The following PDE6D variants were observed in gnomAD, a reference collection of about 807,000 sequenced individuals.
PDE6D encodes phosphodiesterase 6D.
In PDE6D, 10 loss-of-function variants were observed where a neutral mutation model predicts 21.9. The observed-to-expected ratio is 0.46, with a 90% confidence interval of 0.28 to 0.78. PDE6D has a LOEUF of 0.78. PDE6D is among the 30% of genes least tolerant of loss of function. The probability of loss-of-function intolerance (pLI) is 0.12; values close to 1 mark genes in which losing one functional copy is unlikely to be tolerated. For missense variants in PDE6D, 139 were observed against 184.8 expected (o/e 0.75, Z 1.44); for synonymous variants, 59 against 63.5 (o/e 0.93, Z 0.34).
intron 1 of PDE6D, chr2:231,779,111 A>T (rs893522017): frequency 2.0e-5 from 3 of 152,246 alleles, no homozygotes; most frequent in Non-Finnish European, 2.9e-5. Flanking sequence ...AATGCCCAGT[A>T]AAGGCTACCA....
chr2:231,767,309 A>G (rs1395319483), intron 1 of PDE6D, among the ~76,000 whole-genome samples: 1 of 152,028 alleles, frequency 6.6e-6, no homozygotes, highest in Non-Finnish European at 1.5e-5. Flanking sequence ...TCCATCAAAC[A>G]GCATGCATTA....
chr2:231,770,923 A>G (rs1276476945), intron 1 of PDE6D, among the ~76,000 whole-genome samples: 1 of 151,072 alleles, frequency 6.6e-6, no homozygotes, highest in East Asian at 1.9e-4. Flanking sequence ...ATTGCACTCC[A>G]GCCTGGGTGA....
rs1279471402 is a variant in PDE6D, at chr2:231,772,154, A to G, written c.50+8911T>C. ...ACAGTTGTTTTTTTTTTTTAACTTT[A>G]GAAGAGAATACTCATATCTCTTGTC... On this transcript the variant is annotated intron_variant, in intron 1 of 4. Coordinates refer to ENST00000287600, the MANE Select transcript of PDE6D (RefSeq NM_002601.4). Among the ~76,000 whole-genome samples, 3 of 151,728 alleles carry G rather than the reference A, an allele frequency of 2.0e-5. No homozygotes were observed. The East Asian group carries it at 5.8e-4, about 29-fold the overall frequency.
chr2:231,749,210 G>A (rs1328489070), intron 1 of PDE6D, among the ~76,000 whole-genome samples: 1 of 152,184 alleles, frequency 6.6e-6, no homozygotes, highest in South Asian at 2.1e-4. Flanking sequence ...CCACAGAGGC[G>A]GAGCTGCCCA....
At chr2:231,759,967 A>G (rs76066587) in intron 1 of PDE6D, among the ~76,000 whole-genome samples, 1,769 of 152,304 alleles carry the variant, frequency 0.012, 40 homozygotes, top group African/African-American at 0.04. Flanking sequence ...AATGTTTAGT[A>G]TTTTTTAGAA....
chr2:231,740,767 T>C (rs567123617), intron 1 of PDE6D, among the ~76,000 whole-genome samples: 4 of 145,530 alleles, frequency 2.7e-5, no homozygotes, highest in African/African-American at 7.6e-5. Flanking sequence ...GTCTAACTAA[T>C]AGAAGTTCTA....
chr2:231,734,277 A>G (rs1248286089), intron 4 of PDE6D, among the ~76,000 whole-genome samples: 2 of 152,088 alleles, frequency 1.3e-5, no homozygotes, highest in Non-Finnish European at 2.9e-5. Flanking sequence ...CTTATAATGA[A>G]TCAACTTATG....
Position 231,732,896 on chromosome 2 carries a change from A to G in PDE6D, c.*56T>C, listed in dbSNP as rs1171092045. On this transcript the variant is annotated 3_prime_UTR_variant, in exon 5 of 5. Coordinates refer to ENST00000287600, the MANE Select transcript of PDE6D (RefSeq NM_002601.4). ...AAACGTGTGGAGGAAAAAAGTAAAC[A>G]GTTTCCTCCTCCCTCCAAAAAACCC... 3 of 1,119,744 alleles carry G rather than the reference A, an allele frequency of 2.7e-6. No individual in the cohort carries two copies. The highest frequency in any genetic ancestry group is 4.1e-6 in the Non-Finnish European group (3 of 739,466). 69.4% of individuals were successfully genotyped at this position (1,119,744 alleles called of 1,614,324 possible).
chr2:231,781,210 G>C lies in PDE6D; in HGVS notation c.-96C>G. The C allele has an allele frequency of 1.6e-6, 2 of 1,230,958 alleles. No homozygotes were observed. The highest frequency in any genetic ancestry group is 2.4e-6 in the Non-Finnish European group (2 of 847,282). 76.3% of individuals were successfully genotyped at this position (1,230,958 alleles called of 1,614,324 possible). ...GAGGATGGAGCCGCAGCCCGGCTTG[G>C]AGACCTCGGGCTAGCAGCCGCAGCG... On this transcript the variant is annotated 5_prime_UTR_variant, in exon 1 of 5. Coordinates refer to ENST00000287600, the MANE Select transcript of PDE6D (RefSeq NM_002601.4).
chr2:231,736,545 G>A (rs2048704038), intron 4 of PDE6D, among the ~76,000 whole-genome samples: 2 of 152,130 alleles, frequency 1.3e-5, no homozygotes, highest in Middle Eastern at 3.2e-3. Context: ...GACAATGGGA[G>A]GTAGGAAGTT....
At chr2:231,751,478 A>C (rs998561357) in intron 1 of PDE6D, among the ~76,000 whole-genome samples, 2 of 152,198 alleles carry the variant, frequency 1.3e-5, no homozygotes, top group African/African-American at 4.8e-5. Flanking sequence ...AAAAGTTGCA[A>C]AATAGTAGAG....
At chr2:231,771,700 A>G (rs887380097) in intron 1 of PDE6D, among the ~76,000 whole-genome samples, 5 of 152,212 alleles carry the variant, frequency 3.3e-5, no homozygotes, top group African/African-American at 9.6e-5. Context: ...ACTAAACCAA[A>G]CACTTCAATA....
chr2:231,753,391 AAAC>A (rs2048858088), intron 1 of PDE6D, among the ~76,000 whole-genome samples: 1 of 151,336 alleles, frequency 6.6e-6, no homozygotes, highest in African/African-American at 2.4e-5. Flanking sequence ...AAAAAACAAA[AAAC>A]AAAAAACATA....
At chr2:231,740,982 C>T (rs1446410184) in intron 1 of PDE6D, among the ~76,000 whole-genome samples, 1 of 150,740 alleles carries the variant, frequency 6.6e-6, no homozygotes, top group Non-Finnish European at 1.5e-5. Context: ...CTACCGAAAA[C>T]ACAAAATTAG....
At chr2:231,780,040 G>A (rs1372679134) in intron 1 of PDE6D, among the ~76,000 whole-genome samples, 2 of 152,210 alleles carry the variant, frequency 1.3e-5, no homozygotes, top group Admixed American at 1.3e-4. Flanking sequence ...GATGCATGAA[G>A]AGATTAAAGT....
intron 1 of PDE6D, among the ~76,000 whole-genome samples, chr2:231,755,696 G>C: frequency 6.6e-6 from 1 of 152,116 alleles, no homozygotes; most frequent in Non-Finnish European, 1.5e-5. Flanking sequence ...TGAGGCGGGC[G>C]GATCAACTGA....
intron 1 of PDE6D, among the ~76,000 whole-genome samples, chr2:231,780,353 C>T (rs1262003221): frequency 6.6e-6 from 1 of 152,110 alleles, no homozygotes; most frequent in Non-Finnish European, 1.5e-5. Context: ...AGCCTATGGT[C>T]CTCATCTTGC....
chr2:231,774,505 C>T (rs2049039357), intron 1 of PDE6D, among the ~76,000 whole-genome samples: 1 of 152,142 alleles, frequency 6.6e-6, no homozygotes, highest in South Asian at 2.1e-4. Flanking sequence ...TTGATAGATA[C>T]CAATTACTTT....
At chr2:231,742,721 TC>T (rs2048760292) in intron 1 of PDE6D, among the ~76,000 whole-genome samples, 1 of 151,902 alleles carries the variant, frequency 6.6e-6, no homozygotes, top group Non-Finnish European at 1.5e-5. Context: ...AAGAAGAGAG[TC>T]TCTACCTTGT....
Sources: gnomAD v4.1 joint callset for allele counts (sites outside exome capture counted in the v4.1 genomes callset) on GRCh38, gnomAD v4.1.1 for gene constraint, MANE v1.5 for transcripts, NCBI Gene and HGNC (gene_info 2026-07-23, HGNC 2026-07-21) for gene names.